Variants in ARHGAP22 observed in about 807,000 individuals in gnomAD.
ARHGAP22 encodes Rho GTPase activating protein 22.
Under a neutral mutation model 59.1 loss-of-function variants are expected in ARHGAP22, and 48 were observed. The ratio of observed to expected loss-of-function variants is 0.81; its 90% CI spans 0.64 to 1.03. ARHGAP22 has a LOEUF of 1.03. Ranked by LOEUF, ARHGAP22 falls within the 50% of genes least tolerant of loss-of-function variation. The pLI is 0.00. For synonymous variants in ARHGAP22, 445 were observed against 416.4 expected (o/e 1.07, Z -0.84); for missense variants, 1,015 against 958.7 (o/e 1.06, Z -0.78).
chr10:48,482,772 T>C (rs1169804419), intron 3 of ARHGAP22, among the ~76,000 whole-genome samples: 1 of 152,238 alleles, frequency 6.6e-6, no homozygotes, highest in Non-Finnish European at 1.5e-5. Flanking sequence ...AAGTGTTTAT[T>C]ATTCCTATGT....
intron 1 of ARHGAP22, among the ~76,000 whole-genome samples, chr10:48,649,825 G>A (rs1327521770): frequency 6.6e-6 from 1 of 152,212 alleles, no homozygotes; most frequent in Non-Finnish European, 1.5e-5. Context: ...GAAAGTGCTG[G>A]TAGGTTCTCG....
At chr10:48,584,808 C>T (rs969579564) in intron 1 of ARHGAP22, among the ~76,000 whole-genome samples, 4 of 152,096 alleles carry the variant, frequency 2.6e-5, no homozygotes, top group Non-Finnish European at 5.9e-5. Flanking sequence ...TCTTGGCTAA[C>T]ACGGCGAAAC....
chr10:48,479,950 C>A (rs181216323), intron 3 of ARHGAP22, among the ~76,000 whole-genome samples, 186 bp from the exon 4 acceptor site: 1 of 152,324 alleles, frequency 6.6e-6, no homozygotes, highest in Admixed American at 6.5e-5. Flanking sequence ...GAGTCTTTTC[C>A]CATTTTCTCT....
At chr10:48,613,360 T>C (rs1018897850) in intron 1 of ARHGAP22, among the ~76,000 whole-genome samples, 11 of 152,326 alleles carry the variant, frequency 7.2e-5, no homozygotes, top group Middle Eastern at 3.4e-3. Context: ...ACAAGGGCTT[T>C]ATAGTTTAGT....
chr10:48,604,729 G>A (rs768229742), intron 1 of ARHGAP22, 34 bp downstream of exon 1: 2 of 1,614,084 alleles, frequency 1.2e-6, no homozygotes, highest in African/African-American at 2.7e-5. Context: ...AGGCACATGC[G>A]GTGCCCAGAG....
downstream of ARHGAP22, among the ~76,000 whole-genome samples, chr10:48,442,388 A>G (rs890180983): frequency 6.6e-6 from 1 of 152,218 alleles, no homozygotes; most frequent in Non-Finnish European, 1.5e-5. Context: ...CCTGGTGTAC[A>G]GGTTCGTCAA....
chr10:48,621,657 G>GA (rs1158091765), intron 1 of ARHGAP22, among the ~76,000 whole-genome samples: 2 of 152,132 alleles, frequency 1.3e-5, no homozygotes, highest in African/African-American at 4.8e-5. Context: ...GGTGCCTGTA[G>GA]AAAAAAGGTT....
At chr10:48,475,481 C>A (rs752640721) in intron 4 of ARHGAP22, among the ~76,000 whole-genome samples, 4 of 152,106 alleles carry the variant, frequency 2.6e-5, no homozygotes, top group Non-Finnish European at 4.4e-5. Flanking sequence ...AAACTAGGCC[C>A]ATATCTTCCT....
chr10:48,450,237 A>G (rs2045772417), intron 9 of ARHGAP22, 24 bp downstream of exon 9: 1 of 1,604,396 alleles, frequency 6.2e-7, no homozygotes, highest in Non-Finnish European at 8.5e-7. Context: ...CCGTCACAGG[A>G]GGCTCCACGG....
chr10:48,454,263 G>C (rs569849785), intron 6 of ARHGAP22, 102 bp from the exon 7 acceptor site: 9 of 1,085,082 alleles, frequency 8.3e-6, no homozygotes, highest in Non-Finnish European at 1.3e-5. Flanking sequence ...TGGGGGCTAC[G>C]GCAGCCCAGC....
Position 48,450,590 on chromosome 10 carries a change from G to A in ARHGAP22, c.1539C>T (p.Ser513=), listed in dbSNP as rs376625458. 1.1e-4 allele frequency: 175 copies of A among 1,544,190 alleles called. 1 individual carries two copies. The African/African-American group carries it at 2.1e-3, about 18-fold the overall frequency. The change falls in exon 9 of 10, where the codon TCC becomes TCT. Residue 513 remains serine (S), a synonymous_variant. Transcript: ENST00000249601. ...CCGACGACTCGCTGGACGAGGCCCC[G>A]GACCACGCCATACTGGCCACGCTGG... The part of the protein sequence containing the change: ...GIPSVASMAW[S]GASSSESSVG...
intron 2 of ARHGAP22, among the ~76,000 whole-genome samples, chr10:48,577,734 C>A (rs12773970): frequency 6.0e-5 from 9 of 149,298 alleles, no homozygotes; most frequent in Non-Finnish European, 1.2e-4. Flanking sequence ...ACAGCTGAGT[C>A]GGGGCGGGCA....
chr10:48,538,051 A>G (rs2135063652), intron 3 of ARHGAP22, among the ~76,000 whole-genome samples: 1 of 152,232 alleles, frequency 6.6e-6, no homozygotes, highest in East Asian at 1.9e-4. Context: ...ACTCCCACAA[A>G]CTGGGTGGCT....
chr10:48,575,317 CAG>C (rs2058642437), intron 2 of ARHGAP22: 1 of 152,160 alleles, frequency 6.6e-6, no homozygotes, highest in African/African-American at 2.4e-5. Context: ...AATGGAGTAA[CAG>C]AGTTCATGAA....
At chr10:48,573,420 G>A (rs150697160) in intron 2 of ARHGAP22, among the ~76,000 whole-genome samples, 37 of 152,226 alleles carry the variant, frequency 2.4e-4, no homozygotes, top group African/African-American at 7.9e-4. Context: ...TCTCTATCAC[G>A]CAAGATCCTG....
rs533711208 is a variant in ARHGAP22, at chr10:48,496,158, C to T, written c.323-16394G>A. Among the ~76,000 whole-genome samples, 4 of 152,270 alleles carry T rather than the reference C, an allele frequency of 2.6e-5. 1 individual carries two copies. The South Asian group carries it at 8.3e-4, about 32-fold the overall frequency. ...TAAGCCACTAGGCTTGGGGGGTAAT[C>T]TATGATGTAGCAAAGGTGATGTATG... On this transcript the variant is annotated intron_variant, in intron 3 of 9. Coordinates refer to ENST00000249601, the MANE Select transcript of ARHGAP22 (RefSeq NM_021226.4).
intron 3 of ARHGAP22, among the ~76,000 whole-genome samples, chr10:48,508,161 G>A (rs1378180389): frequency 6.6e-6 from 1 of 152,150 alleles, no homozygotes; most frequent in Non-Finnish European, 1.5e-5. Flanking sequence ...AACCACCTGT[G>A]GGACTTCAGC....
rs757401367 is a variant in ARHGAP22 at position 48,555,562 on chromosome 10, GCAAACA to G, written c.235-18_235-13del. 1 of 1,612,344 alleles carries G rather than the reference GCAAACA, an allele frequency of 6.2e-7. No homozygotes were observed. Among genetic ancestry groups the G allele is most frequent in the Non-Finnish European group, 8.5e-7 (1 of 1,178,370 alleles). The stretch of plus-strand genomic sequence containing the variant: ...AGAGAAATAAATCCCTAAAAAGGAG[GCAAACA>G]CAAACACAGGGAGCATGAGATGATG... On this transcript the variant is annotated splice_polypyrimidine_tract_variant and intron_variant, in intron 2 of 9. Transcript: ENST00000249601.
At chr10:48,593,362 A>T (rs2059880476) in intron 1 of ARHGAP22, among the ~76,000 whole-genome samples, 1 of 152,224 alleles carries the variant, frequency 6.6e-6, no homozygotes, top group Non-Finnish European at 1.5e-5. Context: ...CCAGGGATAT[A>T]TTCTTAGACC....
Sources: allele counts gnomAD v4.1 joint callset (sites outside exome capture counted in the v4.1 genomes callset), GRCh38; gene constraint gnomAD v4.1.1; transcripts MANE v1.5; gene names NCBI Gene and HGNC (gene_info 2026-07-23, HGNC 2026-07-21).